The following STRBP variants were observed in gnomAD, a reference collection of about 807,000 sequenced individuals.
The protein encoded by STRBP is spermatid perinuclear RNA binding protein.
A neutral mutation model predicts 80.1 loss-of-function variants in STRBP; 13 were observed. That is an observed-to-expected ratio of 0.16 (90% CI 0.11 to 0.26). STRBP has a LOEUF of 0.26. Among genes scored for constraint, STRBP ranks in the 10% least tolerant of loss-of-function variants. The probability of loss-of-function intolerance (pLI) is 1.00; values close to 1 mark genes in which losing one functional copy is unlikely to be tolerated. For missense variants in STRBP, 485 were observed against 815.2 expected, an observed-to-expected ratio of 0.59 and a Z score of 4.93; for synonymous variants, 284 against 291.2, an observed-to-expected ratio of 0.98 and a Z score of 0.25.
intron 1 of STRBP, among the ~76,000 whole-genome samples, chr9:123,237,545 T>G (rs1298169242): frequency 6.6e-6 from 1 of 151,782 alleles, no homozygotes; most frequent in East Asian, 1.9e-4. Flanking sequence ...AAGACAAAAT[T>G]TCTTACCCTG....
chr9:123,157,084 A>C (rs185636931), intron 11 of STRBP, among the ~76,000 whole-genome samples: 94 of 152,302 alleles, frequency 6.2e-4, no homozygotes, highest in Non-Finnish European at 2.6e-4. Flanking sequence ...TAACTGCTCA[A>C]GGCCTAAAAC....
At chr9:123,139,362 T>C (rs1310712501) in intron 14 of STRBP, among the ~76,000 whole-genome samples, 167 bp downstream of exon 14, 1 of 152,136 alleles carries the variant, frequency 6.6e-6, no homozygotes, top group Non-Finnish European at 1.5e-5. Flanking sequence ...CAGAGATTCA[T>C]GAAAAAAACT....
intron 2 of STRBP, among the ~76,000 whole-genome samples, chr9:123,208,231 C>T (rs982558886): frequency 1.8e-4 from 28 of 151,652 alleles, no homozygotes; most frequent in African/African-American, 6.5e-4. Flanking sequence ...GTCACTATAA[C>T]GAAGGTTACA....
At chr9:123,149,683 C>G (rs2036974135) in intron 11 of STRBP, among the ~76,000 whole-genome samples, 1 of 152,080 alleles carries the variant, frequency 6.6e-6, no homozygotes, top group Admixed American at 6.5e-5. Flanking sequence ...ATTTCTGAGG[C>G]AACAATTTTT....
chr9:123,159,293 A>C, intron 8 of STRBP, 86 bp from the exon 9 acceptor site: 1 of 864,640 alleles, frequency 1.2e-6, no homozygotes, highest in African/African-American at 1.7e-5. Context: ...TCTATCTACA[A>C]GGGAGGCCAA....
Position 123,124,609 on chromosome 9 carries a change from T to C in STRBP, c.*988A>G. The C allele has an allele frequency of 1.0e-6, 1 of 985,408 alleles. No homozygotes were observed. The highest frequency in any genetic ancestry group is 1.2e-6 in the Non-Finnish European group (1 of 829,920). 61.0% of individuals were successfully genotyped at this position (985,408 alleles called of 1,614,324 possible). The stretch of plus-strand genomic sequence containing the variant: ...TTGAAGAGGAAAGGAGACCCTTCAA[T>C]GAATCCCAGCAAAATCACTAATCTT... On this transcript the variant is annotated 3_prime_UTR_variant, in exon 19 of 19. Transcript: ENST00000348403.
chr9:123,257,081 C>T (rs1252218481), intron 1 of STRBP, among the ~76,000 whole-genome samples: 3 of 152,170 alleles, frequency 2.0e-5, no homozygotes, highest in African/African-American at 7.2e-5. Flanking sequence ...ATTCCTTATT[C>T]CTGCATTCAA....
chr9:123,159,759 G>A (rs1443239598), intron 8 of STRBP, among the ~76,000 whole-genome samples: 1 of 152,072 alleles, frequency 6.6e-6, no homozygotes, highest in South Asian at 2.1e-4. Context: ...GATCTTTCAC[G>A]GCTTTATTTA....
intron 2 of STRBP, among the ~76,000 whole-genome samples, chr9:123,215,474 C>T (rs966702662): frequency 2.6e-5 from 4 of 152,150 alleles, no homozygotes; most frequent in African/African-American, 4.8e-5. Flanking sequence ...ATTCAGTTAA[C>T]AAATATTTAT....
At chr9:123,168,323 A>C (rs1564259051) in intron 6 of STRBP, 6 of 608,016 alleles carry the variant, frequency 9.9e-6, no homozygotes, top group Non-Finnish European at 1.0e-5. Context: ...TACATACAGC[A>C]AAAAAATTTT....
At chr9:123,183,758 T>C (rs1331976962) in intron 3 of STRBP, among the ~76,000 whole-genome samples, 1 of 152,210 alleles carries the variant, frequency 6.6e-6, no homozygotes, top group African/African-American at 2.4e-5. Flanking sequence ...ACATCATTCA[T>C]ATCACTAATT....
intron 17 of STRBP, among the ~76,000 whole-genome samples, chr9:123,128,866 G>A (rs974812882): frequency 6.6e-6 from 1 of 152,186 alleles, no homozygotes; most frequent in African/African-American, 2.4e-5. Flanking sequence ...CAAGTACAGG[G>A]TCTCTCTGTA....
chr9:123,190,537 A>G (rs1041758706), intron 2 of STRBP, among the ~76,000 whole-genome samples: 1 of 151,784 alleles, frequency 6.6e-6, no homozygotes, highest in African/African-American at 2.4e-5. Context: ...TAAAATCCTC[A>G]CCTAGTTCCA....
chr9:123,117,797 C>A (rs1265023284), downstream of STRBP, among the ~76,000 whole-genome samples: 3 of 152,330 alleles, frequency 2.0e-5, no homozygotes, highest in East Asian at 5.8e-4. Flanking sequence ...TCAGGCCAGG[C>A]AGAGAACATG....
At chr9:123,209,827 G>T (rs1485359475) in intron 2 of STRBP, among the ~76,000 whole-genome samples, 1 of 151,980 alleles carries the variant, frequency 6.6e-6, no homozygotes, top group Non-Finnish European at 1.5e-5. Flanking sequence ...AATTACACTG[G>T]TCATACTCAT....
intron 2 of STRBP, among the ~76,000 whole-genome samples, chr9:123,196,175 C>T (rs556165009): frequency 1.6e-4 from 25 of 152,066 alleles, no homozygotes; most frequent in Admixed American, 4.6e-4. Context: ...TATCCATATG[C>T]GAAAGAAGGA....
chr9:123,163,966 C>T (rs895417352), intron 6 of STRBP, among the ~76,000 whole-genome samples: 5 of 152,166 alleles, frequency 3.3e-5, no homozygotes, highest in South Asian at 4.1e-4. Context: ...AGATAAGAAA[C>T]AGCATGGGAG....
intron 14 of STRBP, 22 bp downstream of exon 14, chr9:123,139,507 T>C: frequency 1.3e-6 from 2 of 1,540,920 alleles, no homozygotes; most frequent in South Asian, 1.3e-5. Flanking sequence ...TTATTTTTTT[T>C]CTGAGAAAAA....
At chr9:123,202,100 G>C (rs371823791) in intron 2 of STRBP, among the ~76,000 whole-genome samples, 1 of 152,106 alleles carries the variant, frequency 6.6e-6, no homozygotes, top group African/African-American at 2.4e-5. Flanking sequence ...CCACTTTTCT[G>C]AGTTTACAGG....
Sources: gnomAD v4.1 joint callset for allele counts (sites outside exome capture counted in the v4.1 genomes callset) on GRCh38, gnomAD v4.1.1 for gene constraint, MANE v1.5 for transcripts, NCBI Gene and HGNC (gene_info 2026-07-23, HGNC 2026-07-21) for gene names.